GDF1: variants seen among roughly 807,000 people sequenced by gnomAD.
GDF1 encodes growth differentiation factor 1.
Under a neutral mutation model 7.4 loss-of-function variants are expected in GDF1, and 8 were observed. The ratio of observed to expected loss-of-function variants is 1.09; its 90% CI spans 0.64 to 1.96. The LOEUF is 1.96. GDF1 is among the 30% of genes most tolerant of loss of function. The pLI, the probability that GDF1 is intolerant of heterozygous loss-of-function variation, is 0.00. For synonymous variants in GDF1, 311 were observed against 276.7 expected, an observed-to-expected ratio of 1.12 and a Z score of -1.23; for missense variants, 574 against 551.5, an observed-to-expected ratio of 1.04 and a Z score of -0.41.
rs2056605376 is a variant in GDF1 at position 18,895,576 on chromosome 19, A to AC, written c.-1074+247dup. Reference sequence around the variant, plus strand: ...CCCAGACTCACCCCAGCCCGGCCACACCCCCGCATCTACCCGGTTCCCCCA... The same window carrying AC: ...CCCAGACTCACCCCAGCCCGGCCACACCCCCCGCATCTACCCGGTTCCCCCA... On this transcript the variant is annotated intron_variant, in intron 1 of 7. Coordinates refer to ENST00000247005, the MANE Select transcript of GDF1 (RefSeq NM_001492.6). The surrounding 1 kb of genome is among the most constrained non-coding windows in gnomAD (Gnocchi z 6.4). Among the ~76,000 whole-genome samples, 4 of 145,166 alleles carry AC rather than the reference A, an allele frequency of 2.8e-5. No homozygotes were observed. In the South Asian group the frequency reaches 6.7e-4, roughly 24 times the overall value.
Position 18,895,853 on chromosome 19 carries a change from G to T in GDF1, c.-1103C>A. On this transcript the variant is annotated 5_prime_UTR_variant, in exon 1 of 8. Coordinates refer to ENST00000247005, the MANE Select transcript of GDF1 (RefSeq NM_001492.6). This position sits in a 1 kb window ranked among gnomAD's most constrained non-coding sequence, Gnocchi z 6.4. The stretch of plus-strand genomic sequence containing the variant: ...AAGAGGCGCGCAGTGGCCGCGGAGC[G>T]CAGGGCGGTCCAGCCCAGCGCGCCG... 7.7e-7 allele frequency: 1 copy of T among 1,302,178 alleles called. No homozygotes were observed. The highest frequency in any genetic ancestry group is 9.8e-7 in the Non-Finnish European group (1 of 1,025,346). 80.7% of individuals were successfully genotyped at this position (1,302,178 alleles called of 1,614,324 possible).
At position 18,886,934 on chromosome 19, in the gene GDF1, CTGTT is replaced by C. The variant is rs1350875192; in HGVS notation, c.-913-2671_-913-2668del. 3.3e-5 allele frequency among the ~76,000 whole-genome samples: 5 copies of C among 152,346 alleles called. No individual in the cohort carries two copies. The South Asian group carries it at 8.3e-4, about 25-fold the overall frequency. ...CTCCAGCGATCCCTGGCCCCCATGA[CTGTT>C]TGTCCACTCTCCTCACTCAGCCCTG... On this transcript the variant is annotated intron_variant, in intron 2 of 7. Transcript: ENST00000247005.
Position 18,878,074 on chromosome 19 carries a change from C to T in GDF1, c.-313+856G>A. ...TCGCACCTCCCGTTCCAAAAAACGT[C>T]ACGGAGCTCTGAGCCACTGCTTCCC... On this transcript the variant is annotated intron_variant, in intron 6 of 7. Transcript: ENST00000247005. The surrounding 1 kb of genome is among the most constrained non-coding windows in gnomAD (Gnocchi z 4.6). 1.0e-6 allele frequency: 1 copy of T among 985,546 alleles called. No homozygotes were observed. Among genetic ancestry groups the T allele is most frequent in the South Asian group, 4.7e-5 (1 of 21,284 alleles). The allele number at this position is 985,546 out of a possible 1,614,324, so 61.1% of individuals were successfully genotyped here.
intron 2 of GDF1, among the ~76,000 whole-genome samples, chr19:18,890,328 G>T (rs1056765175): frequency 6.6e-6 from 1 of 152,200 alleles, no homozygotes; most frequent in Non-Finnish European, 1.5e-5. Context: ...GATAGACTGC[G>T]TACTGCACCG....
At chr19:18,882,573 G>T (rs2056239103) in intron 3 of GDF1, among the ~76,000 whole-genome samples, 1 of 151,840 alleles carries the variant, frequency 6.6e-6, no homozygotes, top group African/African-American at 2.4e-5. Context: ...GGAGCCGGAG[G>T]TTGCAGTAAG....
rs549936379 is a variant in GDF1 at position 18,871,636 on chromosome 19, C to T, written c.-312-1017G>A. 5.3e-5 allele frequency among the ~76,000 whole-genome samples: 8 copies of T among 152,266 alleles called. No individual in the cohort carries two copies. In the South Asian group the frequency reaches 6.2e-4, roughly 12 times the overall value. On this transcript the variant is annotated intron_variant, in intron 6 of 7. Transcript: ENST00000247005. ...TGGGCTCAAGCAGTCAGCCCTCCTC[C>T]GCCTCCCAAAGGGCTTCTGTCACTT... is the stretch of plus-strand genomic sequence containing the variant.
intron 2 of GDF1, among the ~76,000 whole-genome samples, chr19:18,889,257 C>G (rs79586006): frequency 0.01 from 1,590 of 152,210 alleles, 31 homozygotes; most frequent in African/African-American, 0.036. Context: ...CTGATCCTCT[C>G]CATCCTGACT....
rs2055937879 is a variant in GDF1, at chr19:18,870,065, C to T, written c.243G>A (p.Thr81=). 1 of 1,583,596 alleles carries T rather than the reference C, an allele frequency of 6.3e-7. No individual in the cohort carries two copies. Among genetic ancestry groups the T allele is most frequent in the Non-Finnish European group, 8.5e-7 (1 of 1,169,924 alleles). ...PQETRSGSRR[T]SPGVTLQPCH... ...ACGGTTGCAGGGTGACCCCTGGGGA[C>T]GTCCGCCGCGAGCCAGACCTGGTCT... The change falls in exon 7 of 8, where the codon ACG becomes ACA. Residue 81 remains threonine (T), a synonymous_variant. Coordinates refer to ENST00000247005, the MANE Select transcript of GDF1 (RefSeq NM_001492.6). This position sits in a 1 kb window ranked among gnomAD's most constrained non-coding sequence, Gnocchi z 5.1.
At chr19:18,891,885 T>C (rs1345780285) in intron 2 of GDF1, among the ~76,000 whole-genome samples, 1 of 146,006 alleles carries the variant, frequency 6.8e-6, no homozygotes, top group Non-Finnish European at 1.5e-5. Context: ...AGCCCACTTC[T>C]CATTCTCATC....
Position 18,896,100 on chromosome 19 carries a change from G to A in GDF1, c.-1350C>T, listed in dbSNP as rs1254662181. ...CGCCCGCTCGCCCGCCGTGCCCGTC[G>A]CCTGCGCCCGCCCGCGGTAGCCGAC... On this transcript the variant is annotated 5_prime_UTR_variant, in exon 1 of 8. Transcript: ENST00000247005. This position sits in a 1 kb window ranked among gnomAD's most constrained non-coding sequence, Gnocchi z 5.9. 1.4e-5 allele frequency: 12 copies of A among 871,540 alleles called. No individual in the cohort carries two copies. The highest frequency in any genetic ancestry group is 6.4e-5 in the Admixed American group (1 of 15,620). 54.0% of individuals were successfully genotyped at this position (871,540 alleles called of 1,614,324 possible). A position where few individuals can be genotyped will look rare whatever the true frequency, so the allele number is the denominator to read the frequency against.
At chr19:18,879,435 C>T in intron 4 of GDF1, 47 bp from the exon 5 acceptor site, 1 of 1,543,460 alleles carries the variant, frequency 6.5e-7, no homozygotes, top group Non-Finnish European at 8.7e-7. Flanking sequence ...GGGACGGTGC[C>T]CTACCCAGTC....
intron 2 of GDF1, among the ~76,000 whole-genome samples, chr19:18,888,889 C>CTGTTT (rs1555706335): frequency 2.4e-5 from 3 of 122,926 alleles, no homozygotes; most frequent in Non-Finnish European, 5.2e-5. Context: ...TTCTTTCTTT[C>CTGTTT]TTTTTTTTTT....
Position 18,868,784 on chromosome 19 carries a change from C to T in GDF1, c.932G>A (p.Gly311Glu), listed in dbSNP as rs1354366394. Residue 311 changes from glycine (G) to glutamate (E), a missense_variant, in exon 8 of 8, where the codon GGG becomes GAG. Transcript: ENST00000247005. Reference sequence around the variant, plus strand: ...CACAGCGTGGTTGAGCGCCGGCGGCCCCCCGGACCCCGACAGCGCGACGGG... The same window carrying T: ...CACAGCGTGGTTGAGCGCCGGCGGCTCCCCGGACCCCGACAGCGCGACGGG... ...ALPVALSGSG[G>E]PPALNHAVLR... is the part of the protein sequence containing the mutation. The T allele has an allele frequency of 8.9e-6, 13 of 1,462,886 alleles. No individual in the cohort carries two copies. The East Asian group carries it at 4.1e-4, about 46-fold the overall frequency. The allele number at this position is 1,462,886 out of a possible 1,614,324, so 90.6% of individuals were successfully genotyped here. A position where few individuals can be genotyped will look rare whatever the true frequency, so the allele number is the denominator to read the frequency against.
intron 6 of GDF1, among the ~76,000 whole-genome samples, chr19:18,872,944 C>T (rs754116186): frequency 2.0e-5 from 3 of 152,214 alleles, no homozygotes; most frequent in African/African-American, 4.8e-5. Flanking sequence ...GCCACCATGC[C>T]GGGCCGAGAT....
At chr19:18,874,111 C>T (rs954501198) in intron 6 of GDF1, among the ~76,000 whole-genome samples, 8 of 152,220 alleles carry the variant, frequency 5.3e-5, no homozygotes, top group African/African-American at 1.7e-4. Flanking sequence ...CATCCCTAGC[C>T]TCAGAGAGAG....
chr19:18,876,627 C>G (rs1487819549), intron 6 of GDF1, among the ~76,000 whole-genome samples: 1 of 151,650 alleles, frequency 6.6e-6, no homozygotes, highest in East Asian at 1.9e-4. Context: ...TCAAGCCATC[C>G]TCCTGCCTTG....
chr19:18,880,410 G>T lies in GDF1; in HGVS notation c.-707C>A. ...ACGTCACTGATATCGTGCAGGAAGA[G>T]CACAAGGATGCCCACATTGTGGTAC... On this transcript the variant is annotated 5_prime_UTR_variant, in exon 4 of 8. It introduces an in-frame stop codon into an upstream open reading frame of the 5' UTR. Coordinates refer to ENST00000247005, the MANE Select transcript of GDF1 (RefSeq NM_001492.6). The T allele has an allele frequency of 6.3e-7, 1 of 1,590,870 alleles. No homozygotes were observed. Among genetic ancestry groups the T allele is most frequent in the Non-Finnish European group, 8.6e-7 (1 of 1,168,486 alleles).
intron 6 of GDF1, among the ~76,000 whole-genome samples, chr19:18,874,786 G>A (rs541613802): frequency 2.6e-5 from 4 of 152,214 alleles, no homozygotes; most frequent in African/African-American, 9.7e-5. Flanking sequence ...CAGATGAGGG[G>A]ACCCTGGAGG....
rs760487667 is a variant in GDF1 at position 18,877,045 on chromosome 19, G to A, written c.-313+1885C>T. On this transcript the variant is annotated intron_variant, in intron 6 of 7. Coordinates refer to ENST00000247005, the MANE Select transcript of GDF1 (RefSeq NM_001492.6). The stretch of plus-strand genomic sequence containing the variant: ...TCTTTTGGAAGACGTCTCTCAGCCT[G>A]ACTGCCTTCGTCCCATCCTGTTTTA... Among the ~76,000 whole-genome samples the A allele has an allele frequency of 6.6e-5, 10 of 152,292 alleles. No homozygotes were observed. In the South Asian group the frequency reaches 1.4e-3, roughly 22 times the overall value.
Sources: allele counts gnomAD v4.1 joint callset (sites outside exome capture counted in the v4.1 genomes callset), GRCh38; gene constraint gnomAD v4.1.1; non-coding constraint Gnocchi (gnomAD v3.1); transcripts MANE v1.5; gene names NCBI Gene and HGNC (gene_info 2026-07-23, HGNC 2026-07-21).